Variants in HPSE2 observed in about 807,000 individuals in gnomAD.
The protein encoded by HPSE2 is heparanase 2 (inactive).
In HPSE2, 38 loss-of-function variants were observed where a neutral mutation model predicts 60.5. The ratio of observed to expected loss-of-function variants is 0.63; its 90% CI spans 0.48 to 0.82. The LOEUF (loss-of-function observed/expected upper bound fraction) is 0.82, where lower values mean the gene tolerates loss of function less well. Ranked by LOEUF, HPSE2 falls within the 40% of genes least tolerant of loss-of-function variation. The pLI is 0.00. For synonymous variants in HPSE2, 295 were observed against 293.2 expected, an observed-to-expected ratio of 1.01 and a Z score of -0.06; for missense variants, 713 against 740.4, an observed-to-expected ratio of 0.96 and a Z score of 0.43.
At chr10:98,633,173 C>T (rs1565033888) in intron 7 of HPSE2, among the ~76,000 whole-genome samples, 1 of 152,022 alleles carries the variant, frequency 6.6e-6, no homozygotes, top group Non-Finnish European at 1.5e-5. Flanking sequence ...TTTTCTCTTT[C>T]TTATGATTTT....
chr10:99,161,262 A>G (rs545255098), intron 2 of HPSE2, among the ~76,000 whole-genome samples: 6 of 152,042 alleles, frequency 3.9e-5, no homozygotes, highest in Non-Finnish European at 8.8e-5. Flanking sequence ...TTATAGTAGC[A>G]TTATGCATAA....
intron 3 of HPSE2, among the ~76,000 whole-genome samples, chr10:98,866,222 G>A (rs1033236415): frequency 6.6e-6 from 1 of 151,962 alleles, no homozygotes; most frequent in Non-Finnish European, 1.5e-5. Flanking sequence ...TACAATGTGT[G>A]AGACAAAAAA....
intron 3 of HPSE2, among the ~76,000 whole-genome samples, chr10:98,891,248 C>A: frequency 6.6e-6 from 1 of 151,992 alleles, no homozygotes; most frequent in East Asian, 1.9e-4. Context: ...AGCAAGTCAT[C>A]AAAACTTCAA....
intron 6 of HPSE2, among the ~76,000 whole-genome samples, chr10:98,645,248 T>C (rs1026256817): frequency 6.6e-6 from 1 of 152,180 alleles, no homozygotes; most frequent in Non-Finnish European, 1.5e-5. Context: ...GAAAGAACTA[T>C]ATACCACGTA....
At chr10:99,215,884 T>C (rs1849104023) in intron 2 of HPSE2, among the ~76,000 whole-genome samples, 1 of 152,232 alleles carries the variant, frequency 6.6e-6, no homozygotes, top group Non-Finnish European at 1.5e-5. Flanking sequence ...TTAAATGGTA[T>C]GTGCATTGTA....
At chr10:99,045,315 T>C (rs1957830412) in intron 3 of HPSE2, among the ~76,000 whole-genome samples, 1 of 152,046 alleles carries the variant, frequency 6.6e-6, no homozygotes, top group African/African-American at 2.4e-5. Flanking sequence ...TTAATGAAAT[T>C]AGGAACAAAA....
intron 3 of HPSE2, among the ~76,000 whole-genome samples, chr10:98,754,375 C>G (rs1028662261): frequency 6.6e-6 from 1 of 152,056 alleles, no homozygotes; most frequent in Non-Finnish European, 1.5e-5. Context: ...AAGACCAAAT[C>G]TATGACTCGC....
chr10:98,611,792 T>C (rs1055522571), intron 9 of HPSE2, among the ~76,000 whole-genome samples: 3 of 152,220 alleles, frequency 2.0e-5, no homozygotes, highest in African/African-American at 7.2e-5. Context: ...GAAAGCCTGC[T>C]ACCTTTTTAA....
intron 6 of HPSE2, among the ~76,000 whole-genome samples, chr10:98,693,628 C>T (rs1434659433): frequency 2.0e-5 from 3 of 152,208 alleles, no homozygotes; most frequent in Non-Finnish European, 4.4e-5. Context: ...TACCTGTTCA[C>T]TGATGACAGA....
chr10:99,147,770 T>A (rs1305245642), intron 2 of HPSE2, among the ~76,000 whole-genome samples: 1 of 152,098 alleles, frequency 6.6e-6, no homozygotes, highest in Non-Finnish European at 1.5e-5. Context: ...AATGACTAGA[T>A]AAACACAAAG....
At chr10:98,871,629 TG>T (rs1314403459) in intron 3 of HPSE2, among the ~76,000 whole-genome samples, 1 of 152,110 alleles carries the variant, frequency 6.6e-6, no homozygotes, top group Non-Finnish European at 1.5e-5. Flanking sequence ...AAATTCATGC[TG>T]AAAACACCAT....
At chr10:99,198,209 C>G (rs1453234784) in intron 2 of HPSE2, among the ~76,000 whole-genome samples, 1 of 152,134 alleles carries the variant, frequency 6.6e-6, no homozygotes, top group Admixed American at 6.5e-5. Context: ...TTTCACACAA[C>G]TCACACGTTT....
intron 3 of HPSE2, among the ~76,000 whole-genome samples, chr10:98,942,391 A>C (rs1002175686): frequency 6.7e-6 from 1 of 148,276 alleles, no homozygotes; most frequent in Non-Finnish European, 1.5e-5. Flanking sequence ...CAAGAAAAAA[A>C]CAAACAACCC....
intron 2 of HPSE2, among the ~76,000 whole-genome samples, chr10:99,147,934 C>T (rs1846115955): frequency 6.6e-6 from 1 of 152,132 alleles, no homozygotes; most frequent in Admixed American, 6.5e-5. Flanking sequence ...ACAAATCCTA[C>T]ATTTATACTG....
At chr10:98,696,601 C>G (rs1426802779) in intron 5 of HPSE2, among the ~76,000 whole-genome samples, 1 of 9,740 alleles carries the variant, frequency 1.0e-4, no homozygotes, top group Non-Finnish European at 3.8e-3. Flanking sequence ...GGCGAGGGTC[C>G]CAACCATGGA....
At chr10:98,580,319 T>A (rs1176116672) in intron 9 of HPSE2, among the ~76,000 whole-genome samples, 2 of 150,778 alleles carry the variant, frequency 1.3e-5, no homozygotes, top group Non-Finnish European at 2.9e-5. Context: ...AGTTATGGGA[T>A]ATTTTCTTGC....
chr10:98,958,609 A>T (rs1290298910), intron 3 of HPSE2, among the ~76,000 whole-genome samples: 1 of 152,082 alleles, frequency 6.6e-6, no homozygotes, highest in African/African-American at 2.4e-5. Flanking sequence ...TAGTTAAAGA[A>T]ACTATAGATT....
chr10:99,088,033 G>A (rs1004876105), intron 3 of HPSE2, among the ~76,000 whole-genome samples: 1 of 149,400 alleles, frequency 6.7e-6, no homozygotes, highest in Admixed American at 6.8e-5. Context: ...CAGCCACACT[G>A]GGCTCCTGGA....
chr10:98,885,631 G>A (rs535355108), intron 3 of HPSE2, among the ~76,000 whole-genome samples: 1 of 152,074 alleles, frequency 6.6e-6, no homozygotes, highest in Non-Finnish European at 1.5e-5. Flanking sequence ...CACTAGTACA[G>A]ACATTACAAC....
Sources: allele counts gnomAD v4.1 joint callset (sites outside exome capture counted in the v4.1 genomes callset), GRCh38; gene constraint gnomAD v4.1.1; transcripts MANE v1.5; gene names NCBI Gene and HGNC (gene_info 2026-07-23, HGNC 2026-07-21).